Variants in HS6ST3 observed in about 807,000 individuals in gnomAD.
HS6ST3 encodes heparan sulfate 6-O-sulfotransferase 3, also known as heparan-sulfate 6-O-sulfotransferase 3.
In HS6ST3, 12 loss-of-function variants were observed where a neutral mutation model predicts 36.7. The observed-to-expected ratio is 0.33, with a 90% CI of 0.21 to 0.53. The LOEUF (loss-of-function observed/expected upper bound fraction) is 0.53. HS6ST3 is among the 20% of genes least tolerant of loss of function. The pLI is 0.95. For missense variants in HS6ST3, 584 were observed against 640.9 expected (o/e 0.91, Z 0.96); for synonymous variants, 240 against 257.5 (o/e 0.93, Z 0.65).
intron 1 of HS6ST3, among the ~76,000 whole-genome samples, chr13:96,323,095 C>T (rs1307487583): frequency 1.3e-5 from 2 of 152,154 alleles, no homozygotes; most frequent in Non-Finnish European, 2.9e-5. Context: ...ACTCCAAATA[C>T]TACCTATATT....
intron 1 of HS6ST3, among the ~76,000 whole-genome samples, chr13:96,143,553 T>G (rs2139318807): frequency 6.6e-6 from 1 of 151,702 alleles, no homozygotes; most frequent in Admixed American, 6.6e-5. Context: ...TCTAAATTAT[T>G]TAAAGTGAGG....
At chr13:96,559,277 C>A (rs868352692) in intron 1 of HS6ST3, among the ~76,000 whole-genome samples, 1 of 152,038 alleles carries the variant, frequency 6.6e-6, no homozygotes, top group Non-Finnish European at 1.5e-5. Flanking sequence ...CCCCACCACA[C>A]GTGGCTAATT....
intron 1 of HS6ST3, among the ~76,000 whole-genome samples, chr13:96,304,489 T>C (rs2054899373): frequency 1.3e-5 from 2 of 152,076 alleles, no homozygotes; most frequent in Non-Finnish European, 2.9e-5. Flanking sequence ...AATGGAGATG[T>C]GCCTTAGTTA....
At chr13:96,204,483 A>G (rs767324747) in intron 1 of HS6ST3, among the ~76,000 whole-genome samples, 1 of 152,142 alleles carries the variant, frequency 6.6e-6, no homozygotes, top group Non-Finnish European at 1.5e-5. Context: ...ACCTGAACTC[A>G]GGTCTGGGTC....
chr13:96,515,256 A>C (rs531717009), intron 1 of HS6ST3, among the ~76,000 whole-genome samples: 2 of 152,352 alleles, frequency 1.3e-5, no homozygotes, highest in South Asian at 4.1e-4. Flanking sequence ...TTATTCCTTT[A>C]TGAGAATTGA....
chr13:96,304,034 G>C, intron 1 of HS6ST3, among the ~76,000 whole-genome samples: 1 of 151,928 alleles, frequency 6.6e-6, no homozygotes, highest in East Asian at 1.9e-4. Context: ...TTCCAGTTAC[G>C]GGGGAGGCTG....
At chr13:96,323,423 C>T (rs1383708880) in intron 1 of HS6ST3, among the ~76,000 whole-genome samples, 4 of 152,238 alleles carry the variant, frequency 2.6e-5, no homozygotes, top group African/African-American at 4.8e-5. Context: ...AGGATGACTA[C>T]TCTTTGCCAC....
chr13:96,230,845 A>G (rs557753433), intron 1 of HS6ST3, among the ~76,000 whole-genome samples: 3 of 152,314 alleles, frequency 2.0e-5, no homozygotes, highest in South Asian at 2.1e-4. Context: ...TAGCAGAGAA[A>G]GGAGGCAGGG....
chr13:96,304,785 A>G (rs2054904040), intron 1 of HS6ST3, among the ~76,000 whole-genome samples: 1 of 140,672 alleles, frequency 7.1e-6, no homozygotes, highest in Non-Finnish European at 1.5e-5. Context: ...ATCTCAGCTC[A>G]CTGCAACCTC....
chr13:96,565,306 G>A (rs2056277025), intron 1 of HS6ST3, among the ~76,000 whole-genome samples: 1 of 151,896 alleles, frequency 6.6e-6, no homozygotes, highest in Non-Finnish European at 1.5e-5. Flanking sequence ...TAACAGAAGG[G>A]GATACTAATG....
chr13:96,308,143 T>C (rs1412087982), intron 1 of HS6ST3, among the ~76,000 whole-genome samples: 1 of 152,094 alleles, frequency 6.6e-6, no homozygotes, highest in Non-Finnish European at 1.5e-5. Flanking sequence ...AAATAGTTAT[T>C]CTTATATTTA....
intron 1 of HS6ST3, among the ~76,000 whole-genome samples, chr13:96,545,492 A>G (rs2056194475): frequency 6.6e-6 from 1 of 152,212 alleles, no homozygotes; most frequent in Non-Finnish European, 1.5e-5. Context: ...GATCATGGGC[A>G]GAAGAAGAGT....
chr13:96,255,220 T>G (rs2054630962), intron 1 of HS6ST3, among the ~76,000 whole-genome samples: 1 of 152,204 alleles, frequency 6.6e-6, no homozygotes, highest in Admixed American at 6.5e-5. Flanking sequence ...ACGTCCCCTA[T>G]CTGCTACAGG....
At chr13:96,109,249 A>C (rs664464) in intron 1 of HS6ST3, among the ~76,000 whole-genome samples, 1 of 151,998 alleles carries the variant, frequency 6.6e-6, no homozygotes, top group Non-Finnish European at 1.5e-5. Context: ...CAGAGAATAG[A>C]GTCTGACTAT....
chr13:96,418,759 G>A (rs2055547567), intron 1 of HS6ST3, among the ~76,000 whole-genome samples: 1 of 152,162 alleles, frequency 6.6e-6, no homozygotes, highest in Non-Finnish European at 1.5e-5. Flanking sequence ...AAAACAAGCT[G>A]TCTGAGCTCT....
intron 1 of HS6ST3, among the ~76,000 whole-genome samples, chr13:96,438,943 C>G (rs2139479025): frequency 6.6e-6 from 1 of 152,086 alleles, no homozygotes; most frequent in Admixed American, 6.6e-5. Flanking sequence ...TGGCTGGTAC[C>G]TGTATTCCAA....
intron 1 of HS6ST3, among the ~76,000 whole-genome samples, chr13:96,290,166 C>T (rs1239779364): frequency 3.3e-5 from 5 of 152,054 alleles, no homozygotes; most frequent in African/African-American, 1.2e-4. Flanking sequence ...CCCCCTGATG[C>T]CAGTTCCCAT....
Position 96,512,025 on chromosome 13 carries a change from C to G in HS6ST3, c.708-320465C>G, listed in dbSNP as rs2056051907. Among the ~76,000 whole-genome samples the G allele has an allele frequency of 2.0e-5, 3 of 152,102 alleles. No homozygotes were observed. In the South Asian group the frequency reaches 6.2e-4, roughly 31 times the overall value. ...CGTATATGTATGTACAAAATTACAT[C>G]TAGAAACTCCTTTCAATTATGTATC... On this transcript the variant is annotated intron_variant, in intron 1 of 1. Transcript: ENST00000376705.
chr13:96,473,591 G>C (rs2055849610), intron 1 of HS6ST3, among the ~76,000 whole-genome samples: 1 of 152,164 alleles, frequency 6.6e-6, no homozygotes, highest in South Asian at 2.1e-4. Context: ...TGCTCAGGCG[G>C]CAGCTAGGTC....
Sources: allele counts gnomAD v4.1 joint callset (sites outside exome capture counted in the v4.1 genomes callset), GRCh38; gene constraint gnomAD v4.1.1; transcripts MANE v1.5; gene names NCBI Gene and HGNC (gene_info 2026-07-23, HGNC 2026-07-21).